Variants in ERC2 observed in about 807,000 individuals in gnomAD.
The protein encoded by ERC2 is ERC protein 2.
Under a neutral mutation model 114.8 loss-of-function variants are expected in ERC2, and 42 were observed. The ratio of observed to expected loss-of-function variants is 0.37; its 90% CI spans 0.29 to 0.47. ERC2 has a LOEUF of 0.47. Among genes scored for constraint, ERC2 ranks in the 20% least tolerant of loss-of-function variants. The pLI is 0.99. For missense variants in ERC2, 939 were observed against 1,150.7 expected, an observed-to-expected ratio of 0.82 and a Z score of 2.66; for synonymous variants, 454 against 425.5, an observed-to-expected ratio of 1.07 and a Z score of -0.82.
intron 13 of ERC2, among the ~76,000 whole-genome samples, chr3:55,902,820 T>C (rs543187085): frequency 7.2e-5 from 11 of 152,256 alleles, no homozygotes; most frequent in African/African-American, 2.6e-4. Flanking sequence ...CCAGAGATTA[T>C]CCCCTAGCCC....
intron 3 of ERC2, among the ~76,000 whole-genome samples, chr3:56,279,200 C>T (rs1310158102): frequency 6.6e-6 from 1 of 152,156 alleles, no homozygotes; most frequent in Non-Finnish European, 1.5e-5. Context: ...AAATCATTCC[C>T]TAACAGTTTT....
intron 3 of ERC2, among the ~76,000 whole-genome samples, chr3:56,204,734 C>A (rs1158688191): frequency 6.6e-6 from 1 of 151,842 alleles, no homozygotes. Flanking sequence ...ATCTCTTGAC[C>A]TCATGATCCA....
chr3:55,729,803 A>T (rs1034595429), intron 15 of ERC2, among the ~76,000 whole-genome samples: 2 of 131,862 alleles, frequency 1.5e-5, no homozygotes. Context: ...GCGCCACTGC[A>T]GTCCAGCCAG....
intron 13 of ERC2, among the ~76,000 whole-genome samples, chr3:55,939,089 T>C (rs1273333649): frequency 6.6e-6 from 1 of 152,240 alleles, no homozygotes; most frequent in Non-Finnish European, 1.5e-5. Context: ...ATTTGCTTCA[T>C]ATCAGTTTTC....
chr3:56,305,669 G>A (rs886801041), intron 2 of ERC2, among the ~76,000 whole-genome samples: 1 of 152,184 alleles, frequency 6.6e-6, no homozygotes. Flanking sequence ...GTGCAACAAT[G>A]CAAGAACTCA....
intron 2 of ERC2, among the ~76,000 whole-genome samples, chr3:56,391,759 G>A (rs756905741): frequency 1.1e-4 from 17 of 152,126 alleles, no homozygotes; most frequent in Middle Eastern, 3.2e-3. Context: ...TTACTAATGC[G>A]ATTATGGGGA....
chr3:55,957,809 G>A (rs925515644), intron 12 of ERC2, among the ~76,000 whole-genome samples: 6 of 152,154 alleles, frequency 3.9e-5, no homozygotes, highest in Non-Finnish European at 7.3e-5. Flanking sequence ...CTTCCACTGC[G>A]GGCACCAGGA....
chr3:55,885,791 ACT>A (rs2063327652), intron 14 of ERC2, among the ~76,000 whole-genome samples: 1 of 152,084 alleles, frequency 6.6e-6, no homozygotes, highest in African/African-American at 2.4e-5. Flanking sequence ...TGTGTGCCAA[ACT>A]CTCTGCTGAG....
At chr3:55,880,183 G>A (rs2063052756) in intron 14 of ERC2, among the ~76,000 whole-genome samples, 1 of 152,188 alleles carries the variant, frequency 6.6e-6, no homozygotes, top group East Asian at 1.9e-4. Context: ...ACTAAGAGGT[G>A]CAAGCAAATG....
At chr3:55,993,210 C>A (rs993197010) in intron 10 of ERC2, among the ~76,000 whole-genome samples, 9 of 152,122 alleles carry the variant, frequency 5.9e-5, no homozygotes, top group African/African-American at 2.2e-4. Flanking sequence ...GTAGTTTATA[C>A]AACAGTGCAC....
chr3:56,065,231 C>A (rs997419393), intron 7 of ERC2, among the ~76,000 whole-genome samples: 2 of 151,498 alleles, frequency 1.3e-5, no homozygotes, highest in Admixed American at 1.3e-4. Context: ...TATTTTTTTT[C>A]TTTATTTTAT....
chr3:56,277,403 C>A (rs1288389174), intron 3 of ERC2, among the ~76,000 whole-genome samples: 1 of 152,056 alleles, frequency 6.6e-6, no homozygotes, highest in South Asian at 2.1e-4. Flanking sequence ...AAATGCAAAC[C>A]CATATTTTCA....
At chr3:55,845,116 C>G (rs2061292827) in intron 14 of ERC2, among the ~76,000 whole-genome samples, 1 of 152,170 alleles carries the variant, frequency 6.6e-6, no homozygotes, top group African/African-American at 2.4e-5. Flanking sequence ...TGCTCGCTCA[C>G]CTGCCACTCA....
At position 55,509,543 on chromosome 3, in the gene ERC2, A is replaced by G. The variant is rs1259892855; in HGVS notation, c.*1773T>C. On this transcript the variant is annotated 3_prime_UTR_variant, in exon 18 of 18. Coordinates refer to ENST00000288221, the MANE Select transcript of ERC2 (RefSeq NM_015576.3). ...TGCATTTGGATTGTTTATGCAACACATAAGCATTACATAGTTTGTTATACT... is the reference window on the plus strand; with the variant it reads ...TGCATTTGGATTGTTTATGCAACACGTAAGCATTACATAGTTTGTTATACT... 6.6e-6 allele frequency: 1 copy of G among 152,546 alleles called. No homozygotes were observed. Among genetic ancestry groups the G allele is most frequent in the Non-Finnish European group, 1.5e-5 (1 of 68,046 alleles). 9.4% of individuals were successfully genotyped at this position (152,546 alleles called of 1,614,324 possible). A position where few individuals can be genotyped will look rare whatever the true frequency, so the allele number is the denominator to read the frequency against.
At chr3:55,748,830 G>A (rs527867240) in intron 14 of ERC2, among the ~76,000 whole-genome samples, 2 of 152,214 alleles carry the variant, frequency 1.3e-5, no homozygotes, top group African/African-American at 2.4e-5. Context: ...CTACTAGGCC[G>A]AATAATACGA....
At chr3:56,032,975 AAG>A (rs370284169) in intron 7 of ERC2, among the ~76,000 whole-genome samples, 13,948 of 69,286 alleles carry the variant, frequency 0.2, 2,371 homozygotes, top group Non-Finnish European at 0.24. Flanking sequence ...GAAAGAAAGA[AAG>A]AGAAAGAAAG....
chr3:56,301,142 C>T (rs1576339922), intron 2 of ERC2, among the ~76,000 whole-genome samples: 1 of 152,108 alleles, frequency 6.6e-6, no homozygotes. Flanking sequence ...GAAGTGGTTA[C>T]GATGGATGCT....
intron 3 of ERC2, among the ~76,000 whole-genome samples, chr3:56,196,691 T>G (rs9852922): frequency 6.2e-4 from 95 of 152,306 alleles, no homozygotes; most frequent in African/African-American, 2.2e-3. Flanking sequence ...ATAATTGAAC[T>G]GGCAAGTCCA....
In ERC2 at chr3:55,969,791, G is replaced by A. The variant is rs964585647; in HGVS notation, c.2267+16186C>T. On this transcript the variant is annotated intron_variant, in intron 12 of 17. Coordinates refer to ENST00000288221, the MANE Select transcript of ERC2 (RefSeq NM_015576.3). ...TGACATACGATGACAGAACTGCTAA[G>A]AATATTTATTAGCTTGGCTAACAAC... Among the ~76,000 whole-genome samples the A allele has an allele frequency of 5.9e-5, 9 of 152,280 alleles. No homozygotes were observed. The East Asian group carries it at 1.7e-3, about 29-fold the overall frequency.
Sources: allele counts gnomAD v4.1 joint callset (sites outside exome capture counted in the v4.1 genomes callset), GRCh38; gene constraint gnomAD v4.1.1; transcripts MANE v1.5; gene names NCBI Gene and HGNC (gene_info 2026-07-23, HGNC 2026-07-21).